DLG1: variants seen among roughly 807,000 people sequenced by gnomAD.
DLG1 encodes the protein disks large homolog 1.
A neutral mutation model predicts 123.4 loss-of-function variants in DLG1; 42 were observed. The ratio of observed to expected loss-of-function variants is 0.34; its 90% confidence interval spans 0.27 to 0.44. The LOEUF (loss-of-function observed/expected upper bound fraction) is 0.44. DLG1 is among the 20% of genes least tolerant of loss of function. DLG1 has a pLI of 1.00. For missense variants in DLG1, 942 were observed against 1,082.6 expected, an observed-to-expected ratio of 0.87 and a Z score of 1.82; for synonymous variants, 317 against 356.2, an observed-to-expected ratio of 0.89 and a Z score of 1.24.
chr3:197,044,975 T>G (rs969585180), intron 24 of DLG1, among the ~76,000 whole-genome samples: 22 of 152,206 alleles, frequency 1.4e-4, no homozygotes, highest in Non-Finnish European at 2.9e-5. Flanking sequence ...TTTTGTTCTT[T>G]TACCATCTGA....
intron 5 of DLG1, among the ~76,000 whole-genome samples, chr3:197,189,363 CACAGGAAATATACA>C (rs1164726840): frequency 1.3e-5 from 2 of 151,936 alleles, no homozygotes; most frequent in Non-Finnish European, 2.9e-5. Context: ...CATCATATTA[CACAGGAAATATACA>C]AGAAAATATG....
chr3:197,264,926 T>C (rs1761056509), intron 4 of DLG1, among the ~76,000 whole-genome samples: 1 of 152,216 alleles, frequency 6.6e-6, no homozygotes, highest in Non-Finnish European at 1.5e-5. Flanking sequence ...ATAACCTTCA[T>C]GATGTAACTA....
At chr3:197,266,777 A>G (rs1328859833) in intron 4 of DLG1, among the ~76,000 whole-genome samples, 1 of 152,184 alleles carries the variant, frequency 6.6e-6, no homozygotes, top group African/African-American at 2.4e-5. Flanking sequence ...AATTTAACAT[A>G]CCAACGAAAA....
At chr3:197,234,713 T>G (rs912129570) in intron 4 of DLG1, among the ~76,000 whole-genome samples, 4 of 152,154 alleles carry the variant, frequency 2.6e-5, no homozygotes, top group African/African-American at 9.7e-5. Flanking sequence ...AAAGGGGTTA[T>G]ATATATAATC....
Position 197,296,433 on chromosome 3 carries a change from G to A in DLG1, c.64C>T (p.Leu22=), listed in dbSNP as rs1442685526. Residue 22 remains leucine, a synonymous_variant, in exon 3 of 25, where the codon CTA becomes TTA. Transcript: ENST00000667157. ...AGCTGTCTGTCTTCAGTTTGGCTTA[G>A]TTTTGAACGATATTCCTCCAAAAGG... ...LHLLEEYRSK[L]SQTEDRQLRS... 4.3e-6 allele frequency: 7 copies of A among 1,613,510 alleles called. No individual in the cohort carries two copies. In the African/African-American group the frequency reaches 6.7e-5, roughly 15 times the overall value.
At position 197,086,402 on chromosome 3, in the gene DLG1, GATTA is replaced by G. The variant is rs548833696; in HGVS notation, c.1662-650_1662-647del. Among the ~76,000 whole-genome samples the G allele has an allele frequency of 3.6e-4, 55 of 152,290 alleles. No homozygotes were observed. In the East Asian group the frequency reaches 6.6e-3, roughly 18 times the overall value. ...AAGAAAATATTGTGTGCTACCACTT[GATTA>G]ATTAATGTACAACATTAAAATAAAT... On this transcript the variant is annotated intron_variant, in intron 15 of 24. Transcript: ENST00000667157.
chr3:197,104,998 C>A lies in DLG1; in HGVS notation c.1451G>T (p.Ser484Ile). The change falls in exon 14 of 25, where the codon AGT becomes ATT. Residue 484 changes from serine to isoleucine, a missense_variant. Ser to Ile is a moderately radical substitution (Grantham distance 142). Transcript: ENST00000667157. The stretch of plus-strand genomic sequence containing the variant: ...ATGACTAGCAGCTCTGAGGTCAACA[C>A]TGTTTACCTGTAAATCAAACCAAAT... Reference protein sequence around the residue: ...RKGDRIISVNSVDLRAASHEQ... With the variant: ...RKGDRIISVNIVDLRAASHEQ... The A allele has an allele frequency of 6.3e-7, 1 of 1,591,750 alleles. No individual in the cohort carries two copies. Among genetic ancestry groups the A allele is most frequent in the Non-Finnish European group, 8.6e-7 (1 of 1,168,168 alleles).
At position 197,209,651 on chromosome 3, in the gene DLG1, G is replaced by A. The variant is rs1305458032; in HGVS notation, c.319-15062C>T. Among the ~76,000 whole-genome samples the A allele has an allele frequency of 2.7e-5, 4 of 146,444 alleles. 1 individual carries two copies. The highest frequency in any genetic ancestry group is 4.9e-5 in the African/African-American group (2 of 41,144). ...AACAAGTCACAAATTTAAAAGGATT[G>A]AAATCACAACCAATCCATTCTCTAA... On this transcript the variant is annotated intron_variant, in intron 4 of 24. Coordinates refer to ENST00000667157, the MANE Select transcript of DLG1 (RefSeq NM_001366207.1).
chr3:197,088,479 C>G (rs1195458887), intron 15 of DLG1, among the ~76,000 whole-genome samples: 1 of 152,156 alleles, frequency 6.6e-6, no homozygotes, highest in Non-Finnish European at 1.5e-5. Flanking sequence ...TCAAAGGGTG[C>G]CTCCCACACA....
chr3:197,156,830 A>G (rs1796608793), intron 5 of DLG1, among the ~76,000 whole-genome samples: 1 of 152,254 alleles, frequency 6.6e-6, no homozygotes, highest in Admixed American at 6.5e-5. Flanking sequence ...GAAGAAAGAA[A>G]TGGTTCTACA....
At chr3:197,110,770 T>C (rs1040720814) in intron 13 of DLG1, among the ~76,000 whole-genome samples, 1 of 152,184 alleles carries the variant, frequency 6.6e-6, no homozygotes, top group Admixed American at 6.5e-5. Flanking sequence ...ACTGAATACA[T>C]ATTTCCTTAA....
At chr3:197,046,887 AAAAAACAAAACG>A (rs1723614870) in intron 24 of DLG1, among the ~76,000 whole-genome samples, 1 of 129,486 alleles carries the variant, frequency 7.7e-6, no homozygotes, top group Admixed American at 7.1e-5. Flanking sequence ...AACAAAAGAC[AAAAAACAAAACG>A]AAACAAAAAA....
intron 3 of DLG1, among the ~76,000 whole-genome samples, chr3:197,293,452 G>T (rs940440884): frequency 6.6e-6 from 1 of 152,200 alleles, no homozygotes; most frequent in Non-Finnish European, 1.5e-5. Context: ...TCATGTGTCA[G>T]AACACAGAAA....
intron 4 of DLG1, among the ~76,000 whole-genome samples, chr3:197,257,704 T>C (rs1021231451): frequency 1.3e-5 from 2 of 152,182 alleles, no homozygotes; most frequent in East Asian, 3.8e-4. Flanking sequence ...CAGAAGTTAC[T>C]TGACAGCTGG....
chr3:197,078,361 A>C (rs925983326), intron 17 of DLG1: 1 of 151,790 alleles, frequency 6.6e-6, no homozygotes, highest in African/African-American at 2.4e-5. Flanking sequence ...AGTGACTTTT[A>C]GCTCAAATTC....
intron 11 of DLG1, among the ~76,000 whole-genome samples, chr3:197,127,178 T>A (rs1779534877): frequency 6.6e-6 from 1 of 151,528 alleles, no homozygotes; most frequent in South Asian, 2.1e-4. Context: ...ATCCCAGCAC[T>A]TTGAGAGGCC....
Position 197,142,775 on chromosome 3 carries a change from G to A in DLG1, c.538-7C>T. On this transcript the variant is annotated splice_polypyrimidine_tract_variant and splice_region_variant and intron_variant, in intron 6 of 24. Coordinates refer to ENST00000667157, the MANE Select transcript of DLG1 (RefSeq NM_001366207.1). ...CTGCATCTGTGCCATTAACCTACAGGGGAAAAGAAAAGCAGCTCAGAAACT... is the reference window on the plus strand; with the variant it reads ...CTGCATCTGTGCCATTAACCTACAGAGGAAAAGAAAAGCAGCTCAGAAACT... The A allele has an allele frequency of 6.2e-7, 1 of 1,601,004 alleles. No individual in the cohort carries two copies. Among genetic ancestry groups the A allele is most frequent in the African/African-American group, 1.3e-5 (1 of 74,274 alleles).
At chr3:197,236,658 G>T (rs977881363) in intron 4 of DLG1, among the ~76,000 whole-genome samples, 1 of 152,132 alleles carries the variant, frequency 6.6e-6, no homozygotes, top group East Asian at 1.9e-4. Flanking sequence ...TGTCCCTAAA[G>T]GGGGACAGGG....
At chr3:197,218,058 A>T (rs1452282355) in intron 4 of DLG1, among the ~76,000 whole-genome samples, 1 of 152,214 alleles carries the variant, frequency 6.6e-6, no homozygotes, top group Non-Finnish European at 1.5e-5. Flanking sequence ...ATTTACAAAC[A>T]ACTTCAATTA....
Sources: gnomAD v4.1 joint callset for allele counts (sites outside exome capture counted in the v4.1 genomes callset) on GRCh38, gnomAD v4.1.1 for gene constraint, MANE v1.5 for transcripts, NCBI Gene and HGNC (gene_info 2026-07-23, HGNC 2026-07-21) for gene names.